RYR3: variants seen among roughly 807,000 people sequenced by gnomAD.
RYR3 encodes the protein ryanodine receptor 3.
Under a neutral mutation model 584.3 loss-of-function variants are expected in RYR3, and 207 were observed. That is an observed-to-expected ratio of 0.35 (90% CI 0.32 to 0.40). The LOEUF (loss-of-function observed/expected upper bound fraction) is 0.40, where lower values mean the gene tolerates loss of function less well. Among genes scored for constraint, RYR3 ranks in the 10% least tolerant of loss-of-function variants. The pLI, the probability that RYR3 is intolerant of heterozygous loss-of-function variation, is 1.00. For missense variants in RYR3, 5,616 were observed against 6,089.2 expected, an observed-to-expected ratio of 0.92 and a Z score of 2.59; for synonymous variants, 2,416 against 2,248.5, an observed-to-expected ratio of 1.07 and a Z score of -2.11.
chr15:33,473,373 T>C (rs1270530581), intron 1 of RYR3, 46 bp from the exon 2 acceptor site: 3 of 1,612,146 alleles, frequency 1.9e-6, no homozygotes, highest in African/African-American at 2.7e-5. Context: ...GGGGCCTGGC[T>C]CAGCAGTTCC....
At chr15:33,483,110 T>C (rs2050116319) in intron 2 of RYR3, among the ~76,000 whole-genome samples, 1 of 152,160 alleles carries the variant, frequency 6.6e-6, no homozygotes, top group African/African-American at 2.4e-5. Flanking sequence ...TTCTAAAGTT[T>C]GCAGTTGTTT....
At chr15:33,526,409 G>A (rs377660421) in intron 3 of RYR3, among the ~76,000 whole-genome samples, 90 of 152,242 alleles carry the variant, frequency 5.9e-4, no homozygotes, top group African/African-American at 2.0e-3. Flanking sequence ...AAGGTCACTC[G>A]TGGCAGGGAC....
At position 33,823,019 on chromosome 15, in the gene RYR3, G is replaced by GA; in HGVS notation, c.11024dup (p.Asp3676GlyfsTer19). On this transcript the variant is annotated frameshift_variant, in exon 81 of 104. Transcript: ENST00000634891. LOFTEE classifies it high-confidence loss of function. Reference sequence around the variant, plus strand: ...AGAAAATGCTAGATTACCTAAAGGAGAAAAAGGATGCTGGATTCTTTCAAA... The same window carrying GA: ...AGAAAATGCTAGATTACCTAAAGGAGAAAAAAGGATGCTGGATTCTTTCAAA... 1 of 1,613,468 alleles carries GA rather than the reference G, an allele frequency of 6.2e-7. No homozygotes were observed. The highest frequency in any genetic ancestry group is 8.5e-7 in the Non-Finnish European group (1 of 1,179,644).
chr15:33,464,503 T>TATATATATATAC lies in RYR3; in HGVS notation c.52-8915_52-8914insTATATATATACA, dbSNP rs1180164194. ...ATATATATATATACACATATATATA[T>TATATATATATAC]ACATACACATACACATATATGTACA... On this transcript the variant is annotated intron_variant, in intron 1 of 103. Coordinates refer to ENST00000634891, the MANE Select transcript of RYR3 (RefSeq NM_001036.6). Among the ~76,000 whole-genome samples the TATATATATATAC allele has an allele frequency of 5.4e-3, 572 of 105,736 alleles. 37 individuals carry two copies. The highest frequency in any genetic ancestry group is 9.9e-3 in the East Asian group (39 of 3,934). The allele number at this position is 105,736 out of a possible 152,430, so 69.4% of individuals were successfully genotyped here. A position where few individuals can be genotyped will look rare whatever the true frequency, so the allele number is the denominator to read the frequency against.
At chr15:33,634,316 G>T (rs983720500) in intron 24 of RYR3, among the ~76,000 whole-genome samples, 5 of 152,116 alleles carry the variant, frequency 3.3e-5, no homozygotes, top group African/African-American at 1.2e-4. Flanking sequence ...CTCCCAAAGT[G>T]CTGGGATTAC....
In RYR3 at chr15:33,722,851, G is replaced by A; in HGVS notation, c.6756G>A (p.Glu2252=). 6.2e-7 allele frequency: 1 copy of A among 1,604,230 alleles called. No individual in the cohort carries two copies. Among genetic ancestry groups the A allele is most frequent in the South Asian group, 1.1e-5 (1 of 90,120 alleles). The change falls in exon 44 of 104, where the codon GAG becomes GAA. Residue 2252 remains glutamate (E), a synonymous_variant. Transcript: ENST00000634891. ...AAMQGAIKIS[E]NPALDLPSQG... ...TGCAGGGTGCCATTAAGATCTCTGA[G>A]AACCCAGCGCTCGACCTCCCCTCTC...
chr15:33,630,421 G>A (rs889601120), intron 22 of RYR3, among the ~76,000 whole-genome samples: 9 of 152,152 alleles, frequency 5.9e-5, no homozygotes, highest in East Asian at 1.9e-4. Flanking sequence ...TCGCTTCTCC[G>A]TGATGCTACC....
At chr15:33,411,091 C>G (rs1232854996) in intron 1 of RYR3, among the ~76,000 whole-genome samples, 1 of 152,130 alleles carries the variant, frequency 6.6e-6, no homozygotes, top group Admixed American at 6.5e-5. Flanking sequence ...GGTGGGGACA[C>G]AGACCAACCC....
Position 33,603,168 on chromosome 15 carries a change from G to A in RYR3, c.1968G>A (p.Gln656=). 1 of 1,613,922 alleles carries A rather than the reference G, an allele frequency of 6.2e-7. No homozygotes were observed. The highest frequency in any genetic ancestry group is 8.5e-7 in the Non-Finnish European group (1 of 1,179,840). The stretch of plus-strand genomic sequence containing the variant: ...TGGGAGTCGCGGAGGGCTCAGCCCA[G>A]TACAAGAAGTGGTACTTCGAGCTGA... ...IFLGVAEGSA[Q]YKKWYFELII... is the part of the protein sequence containing the mutation. The change falls in exon 18 of 104, where the codon CAG becomes CAA. Residue 656 remains glutamine, a synonymous_variant. Transcript: ENST00000634891.
intron 60 of RYR3, among the ~76,000 whole-genome samples, chr15:33,761,605 G>A (rs539036855): frequency 6.6e-6 from 1 of 151,288 alleles, no homozygotes; most frequent in East Asian, 1.9e-4. Flanking sequence ...AATTGAGGCA[G>A]TAACTAATAG....
At chr15:33,628,354 C>T (rs185970741) in intron 20 of RYR3, 117 bp from the exon 21 acceptor site, 24 of 663,876 alleles carry the variant, frequency 3.6e-5, no homozygotes, top group East Asian at 1.4e-4. Context: ...AGCATGAGGT[C>T]GGATACTGCA....
chr15:33,775,715 A>C (rs904323926), intron 64 of RYR3, among the ~76,000 whole-genome samples: 6 of 152,196 alleles, frequency 3.9e-5, no homozygotes, highest in Admixed American at 6.5e-5. Flanking sequence ...GGCAGATGGC[A>C]TGTATACTTT....
intron 38 of RYR3, among the ~76,000 whole-genome samples, chr15:33,695,954 T>G (rs1327325942): frequency 1.0e-5 from 1 of 97,596 alleles, no homozygotes; most frequent in East Asian, 3.6e-4. Context: ...CAGCTTTTTT[T>G]TTTTTTTTTT....
At chr15:33,833,322 G>A (rs191123953) in intron 86 of RYR3, among the ~76,000 whole-genome samples, 49 of 152,182 alleles carry the variant, frequency 3.2e-4, no homozygotes, top group Non-Finnish European at 6.8e-4. Flanking sequence ...TAATATGACT[G>A]AGCCAAAACT....
intron 1 of RYR3, among the ~76,000 whole-genome samples, chr15:33,314,492 T>G (rs998713385): frequency 3.3e-5 from 5 of 152,210 alleles, no homozygotes; most frequent in Admixed American, 6.5e-5. Flanking sequence ...CTCTCCTACT[T>G]TTTCCTTTAG....
intron 52 of RYR3, among the ~76,000 whole-genome samples, chr15:33,744,900 G>A (rs1310443228): frequency 5.3e-5 from 8 of 152,276 alleles, no homozygotes; most frequent in East Asian, 3.9e-4. Flanking sequence ...GGAAACATTC[G>A]AAGTCAGTAG....
chr15:33,801,804 G>T, intron 68 of RYR3, 65 bp from the exon 69 acceptor site: 1 of 838,834 alleles, frequency 1.2e-6, no homozygotes, highest in South Asian at 1.6e-5. Context: ...GGGGAGCTTA[G>T]AATCTTATTT....
At chr15:33,624,088 T>A (rs2060860939) in intron 20 of RYR3, 65 bp downstream of exon 20, 1 of 1,127,502 alleles carries the variant, frequency 8.9e-7, no homozygotes, top group East Asian at 2.4e-5. Context: ...AATACTTCTT[T>A]CTTTCTTGTT....
intron 52 of RYR3, 43 bp downstream of exon 52, chr15:33,742,487 C>G (rs1391641227): frequency 1.5e-6 from 2 of 1,342,678 alleles, no homozygotes; most frequent in Non-Finnish European, 2.1e-6. Flanking sequence ...GAAGGAAAAA[C>G]AGCCCAAGAA....
Sources: allele counts gnomAD v4.1 joint callset (sites outside exome capture counted in the v4.1 genomes callset), GRCh38; gene constraint gnomAD v4.1.1; transcripts MANE v1.5; gene names NCBI Gene and HGNC (gene_info 2026-07-23, HGNC 2026-07-21).